MYCT1: variants seen among roughly 807,000 people sequenced by gnomAD.
MYCT1 encodes MYC target 1.
In MYCT1, 12 loss-of-function variants were observed where a neutral mutation model predicts 15.0. That is an observed-to-expected ratio of 0.80 (90% CI 0.51 to 1.29). MYCT1 has a LOEUF of 1.29. Among genes scored for constraint, MYCT1 ranks in the 50% most tolerant of loss-of-function variants. The probability of loss-of-function intolerance (pLI) is 0.00; values close to 1 mark genes in which losing one functional copy is unlikely to be tolerated. For synonymous variants in MYCT1, 104 were observed against 102.7 expected (o/e 1.01, Z -0.07); for missense variants, 287 against 279.1 (o/e 1.03, Z -0.20).
Position 152,698,035 on chromosome 6 carries a change from C to T in MYCT1, c.133C>T (p.Leu45Phe). 1.2e-6 allele frequency: 2 copies of T among 1,609,082 alleles called. No homozygotes were observed. Among genetic ancestry groups the T allele is most frequent in the Non-Finnish European group, 1.7e-6 (2 of 1,178,268 alleles). Residue 45 changes from leucine (L) to phenylalanine (F), a missense_variant, in exon 1 of 2, where the codon CTT becomes TTT. Coordinates refer to ENST00000367245, the MANE Select transcript of MYCT1 (RefSeq NM_025107.3). ...LSVFLLFLLFLVDIMANNTTS... is the reference protein window; with the variant it reads ...LSVFLLFLLFFVDIMANNTTS... ...TGTTTTTCTTCTCTTTCTTCTATTT[C>T]TTGTGGATATTATGGCTAATAACAC...
Position 152,722,804 on chromosome 6 carries a change from TC to T in MYCT1, c.*552del. On this transcript the variant is annotated 3_prime_UTR_variant, in exon 2 of 2. Transcript: ENST00000367245. Reference sequence around the variant, plus strand: ...CCAGGCGGGAGTTGCAGTAGCATGATCAGGACTCACTGCAGCCTCTATCTCC... The same window carrying T: ...CCAGGCGGGAGTTGCAGTAGCATGATAGGACTCACTGCAGCCTCTATCTCC... 1 of 400,226 alleles carries T rather than the reference TC, an allele frequency of 2.5e-6. No individual in the cohort carries two copies. 24.8% of individuals were successfully genotyped at this position (400,226 alleles called of 1,614,324 possible).
the MYCT1 span, among the ~76,000 whole-genome samples, chr6:152,740,193 A>G: frequency 2.6e-5 from 4 of 151,972 alleles, no homozygotes; most frequent in Non-Finnish European, 4.4e-5. Flanking sequence ...TGGGATTACA[A>G]GCATGCGCCA....
At position 152,706,874 on chromosome 6, in the gene MYCT1, T is replaced by TATGC. The variant is rs561189042; in HGVS notation, c.196+8779_196+8782dup. ...GTGTGTGTGTGTGTGTGTGTGTGTG[T>TATGC]ATGCATATATATGTCACCATATTTA... On this transcript the variant is annotated intron_variant, in intron 1 of 1. Transcript: ENST00000367245. Among the ~76,000 whole-genome samples, 20 of 151,682 alleles carry TATGC rather than the reference T, an allele frequency of 1.3e-4. No individual in the cohort carries two copies. The South Asian group carries it at 1.5e-3, about 11-fold the overall frequency.
At chr6:152,700,988 C>T (rs1293198440) in intron 1 of MYCT1, among the ~76,000 whole-genome samples, 3 of 152,048 alleles carry the variant, frequency 2.0e-5, no homozygotes, top group Non-Finnish European at 4.4e-5. Context: ...TATGCACATA[C>T]AAACCTATAT....
At chr6:152,742,295 C>T in the MYCT1 span, among the ~76,000 whole-genome samples, 2,041 of 152,058 alleles carry the variant, frequency 0.013, 44 homozygotes, top group African/African-American at 0.046. Flanking sequence ...AGCTGAGACC[C>T]GAAGGATAAA....
chr6:152,708,033 AG>A (rs2099722611), intron 1 of MYCT1, among the ~76,000 whole-genome samples: 1 of 151,782 alleles, frequency 6.6e-6, no homozygotes, highest in African/African-American at 2.4e-5. Flanking sequence ...TTGGACTTTT[AG>A]TTGATTTAGT....
rs536870756 is a variant in MYCT1 at position 152,722,892 on chromosome 6, C to T, written c.*639C>T. The T allele has an allele frequency of 1.0e-4, 19 of 187,052 alleles. No individual in the cohort carries two copies. In the East Asian group the frequency reaches 3.1e-3, roughly 30 times the overall value. 11.6% of individuals were successfully genotyped at this position (187,052 alleles called of 1,614,324 possible). ...TAGCTGGGACTACAGGGGTGCACTA[C>T]CACACCGGGTTGAATTTTTTTTTAA... On this transcript the variant is annotated 3_prime_UTR_variant, in exon 2 of 2. Transcript: ENST00000367245.
chr6:152,705,707 TTTA>T (rs144044691), intron 1 of MYCT1: 50,517 of 199,822 alleles, frequency 0.25, 7,433 homozygotes, highest in South Asian at 0.39. Context: ...ATTATTTTAA[TTTA>T]TTATTATTAT....
At chr6:152,717,591 G>A (rs193057543) in intron 1 of MYCT1, among the ~76,000 whole-genome samples, 63 of 152,060 alleles carry the variant, frequency 4.1e-4, no homozygotes, top group African/African-American at 1.1e-3. Flanking sequence ...AGCTCTCTTC[G>A]TCTGCTGCCA....
chr6:152,734,633 G>A, the MYCT1 span, among the ~76,000 whole-genome samples: 3 of 152,166 alleles, frequency 2.0e-5, no homozygotes, highest in East Asian at 5.8e-4. Flanking sequence ...CATTGGAAAA[G>A]ACACTTCAGT....
chr6:152,725,828 A>T (rs964467838), downstream of MYCT1, among the ~76,000 whole-genome samples: 1 of 152,148 alleles, frequency 6.6e-6, no homozygotes, highest in African/African-American at 2.4e-5. Context: ...CAAGCCTGCT[A>T]TACTAGCCAT....
At chr6:152,746,414 C>A in the MYCT1 span, among the ~76,000 whole-genome samples, 1 of 152,214 alleles carries the variant, frequency 6.6e-6, no homozygotes, top group Admixed American at 6.5e-5. Context: ...CCAGGCTGGA[C>A]TGGGCAGGAT....
the MYCT1 span, among the ~76,000 whole-genome samples, chr6:152,736,339 G>C: frequency 6.6e-6 from 1 of 152,072 alleles, no homozygotes; most frequent in Non-Finnish European, 1.5e-5. Context: ...ATTTTATGTG[G>C]ATGTGTCTTA....
chr6:152,712,840 T>C (rs1001921262), intron 1 of MYCT1, among the ~76,000 whole-genome samples: 40 of 152,088 alleles, frequency 2.6e-4, no homozygotes, highest in African/African-American at 8.9e-4. Flanking sequence ...GTGTTCAAGT[T>C]TTTTTTGTTA....
chr6:152,707,710 A>C, intron 1 of MYCT1, among the ~76,000 whole-genome samples: 1 of 151,988 alleles, frequency 6.6e-6, no homozygotes, highest in Non-Finnish European at 1.5e-5. Context: ...ATTCTTCTGC[A>C]TGTGGATATG....
intron 1 of MYCT1, among the ~76,000 whole-genome samples, chr6:152,714,795 TA>T (rs1374693010): frequency 6.6e-6 from 1 of 151,294 alleles, no homozygotes; most frequent in African/African-American, 2.4e-5. Context: ...TTATAACACA[TA>T]TATATATAAC....
intron 1 of MYCT1, among the ~76,000 whole-genome samples, chr6:152,703,194 T>C (rs1555518): frequency 0.37 from 56,624 of 152,100 alleles, 11,419 homozygotes; most frequent in East Asian, 0.62. Context: ...TAACTATATG[T>C]AGTATTTTCA....
At chr6:152,745,484 T>G in the MYCT1 span, among the ~76,000 whole-genome samples, 1 of 152,162 alleles carries the variant, frequency 6.6e-6, no homozygotes, top group Non-Finnish European at 1.5e-5. Context: ...AAGTTTAACT[T>G]GATCATTTCT....
At chr6:152,729,473 G>C (rs1388717352), downstream of MYCT1, among the ~76,000 whole-genome samples, 1 of 152,140 alleles carries the variant, frequency 6.6e-6, no homozygotes, top group South Asian at 2.1e-4. Flanking sequence ...AATTTCAAAA[G>C]TTAAATGATT....
Sources: allele counts gnomAD v4.1 joint callset (sites outside exome capture counted in the v4.1 genomes callset), GRCh38; gene constraint gnomAD v4.1.1; transcripts MANE v1.5; gene names NCBI Gene and HGNC (gene_info 2026-07-23, HGNC 2026-07-21).